PLS1: variants seen among roughly 807,000 people sequenced by gnomAD.
PLS1 encodes plastin 1, also known as plastin-1.
Under a neutral mutation model 73.7 loss-of-function variants are expected in PLS1, and 32 were observed. The observed-to-expected ratio is 0.43, with a 90% CI of 0.33 to 0.58. The LOEUF (loss-of-function observed/expected upper bound fraction) is 0.58, where lower values mean the gene tolerates loss of function less well. Among genes scored for constraint, PLS1 ranks in the 20% least tolerant of loss-of-function variants. The probability of loss-of-function intolerance (pLI) is 0.04; values close to 1 mark genes in which losing one functional copy is unlikely to be tolerated. For synonymous variants in PLS1, 217 were observed against 261.3 expected (o/e 0.83, Z 1.63); for missense variants, 633 against 740.5 (o/e 0.85, Z 1.68).
intron 1 of PLS1, among the ~76,000 whole-genome samples, chr3:142,625,405 A>G (rs1410446498): frequency 6.6e-6 from 1 of 150,410 alleles, no homozygotes; most frequent in Non-Finnish European, 1.5e-5. Context: ...AATGTTTCCA[A>G]CTCAGTTCTC....
intron 1 of PLS1, among the ~76,000 whole-genome samples, chr3:142,641,775 T>C (rs2108614723): frequency 6.6e-6 from 1 of 152,262 alleles, no homozygotes; most frequent in African/African-American, 2.4e-5. Context: ...TGGGTTTCTT[T>C]AGGGGAGATG....
rs115594069 is a variant in PLS1 at position 142,669,132 on chromosome 3, G to A, written c.71-258G>A. Among the ~76,000 whole-genome samples the A allele has an allele frequency of 6.9e-3, 1,042 of 152,104 alleles. 4 individuals carry two copies. Among genetic ancestry groups the A allele is most frequent in the Non-Finnish European group, 9.4e-3 (637 of 68,014 alleles). On this transcript the variant is annotated intron_variant, in intron 2 of 15. Transcript: ENST00000457734. ...TGCGATCATAGCTCACTACAGCCTCGAACTCCTGGGCTCAGGCAGTCCCCT... is the reference window on the plus strand; with the variant it reads ...TGCGATCATAGCTCACTACAGCCTCAAACTCCTGGGCTCAGGCAGTCCCCT...
rs747443516 is a variant in PLS1 at position 142,703,902 on chromosome 3, A to C, written c.1406A>C (p.Lys469Thr). 1.2e-6 allele frequency: 2 copies of C among 1,611,402 alleles called. No homozygotes were observed. The highest frequency in any genetic ancestry group is 1.7e-6 in the Non-Finnish European group (2 of 1,177,480). ...TGTAACTATGCAGTGGAACTTGGGA[A>C]GAACAAGGCCAAATTCTCCTTGGTT... ...ENCNYAVELG[K>T]NKAKFSLVGI... The change falls in exon 13 of 16, where the codon AAG (lysine) becomes ACG (threonine). Residue 469 changes from lysine to threonine, a missense_variant. Physicochemically the swap from Lys to Thr is moderately conservative, Grantham distance 78. Coordinates refer to ENST00000457734, the MANE Select transcript of PLS1 (RefSeq NM_001145319.2).
intron 1 of PLS1, among the ~76,000 whole-genome samples, chr3:142,637,282 A>G (rs1381468830): frequency 1.3e-5 from 2 of 152,220 alleles, no homozygotes; most frequent in Non-Finnish European, 2.9e-5. Context: ...CCAGAAGAAA[A>G]GAGTATGTAC....
At chr3:142,622,219 A>G (rs371598477) in intron 1 of PLS1, among the ~76,000 whole-genome samples, 2 of 152,336 alleles carry the variant, frequency 1.3e-5, no homozygotes, top group East Asian at 3.9e-4. Context: ...GATGTCCTTT[A>G]AAATATTTAA....
At chr3:142,635,323 A>G (rs1023341222) in intron 1 of PLS1, among the ~76,000 whole-genome samples, 5 of 152,096 alleles carry the variant, frequency 3.3e-5, no homozygotes, top group Admixed American at 2.6e-4. Flanking sequence ...ATAGCAGGAG[A>G]AAAAACTTAA....
intron 1 of PLS1, among the ~76,000 whole-genome samples, chr3:142,617,220 G>A (rs1041673068): frequency 2.6e-5 from 4 of 151,438 alleles, no homozygotes; most frequent in Middle Eastern, 3.4e-3. Flanking sequence ...GGTACATACA[G>A]CCTTAACTAG....
intron 2 of PLS1, among the ~76,000 whole-genome samples, chr3:142,667,643 C>A (rs1017506246): frequency 6.6e-6 from 1 of 152,176 alleles, no homozygotes; most frequent in African/African-American, 2.4e-5. Flanking sequence ...AGCCTGGGAG[C>A]TTAAGCCCCC....
At chr3:142,678,758 C>T (rs1355008767) in intron 6 of PLS1, among the ~76,000 whole-genome samples, 5 of 151,556 alleles carry the variant, frequency 3.3e-5, no homozygotes, top group African/African-American at 1.2e-4. Flanking sequence ...TTTATAGCAG[C>T]ATGATTTATA....
chr3:142,687,188 T>C (rs1248972674), intron 9 of PLS1, among the ~76,000 whole-genome samples: 2 of 139,954 alleles, frequency 1.4e-5, no homozygotes, highest in African/African-American at 5.5e-5. Flanking sequence ...GGGCCACACA[T>C]AAAATACACT....
intron 1 of PLS1, among the ~76,000 whole-genome samples, chr3:142,663,779 C>A (rs1208998074): frequency 1.3e-5 from 2 of 152,218 alleles, no homozygotes; most frequent in African/African-American, 4.8e-5. Flanking sequence ...ATAAGATAAG[C>A]AGATGCTGAA....
intron 11 of PLS1, among the ~76,000 whole-genome samples, chr3:142,696,935 C>G (rs2038222925): frequency 1.3e-5 from 2 of 151,842 alleles, no homozygotes; most frequent in African/African-American, 4.8e-5. Flanking sequence ...GACTTTCTCC[C>G]TCTATCACCC....
At chr3:142,694,324 T>C (rs2038148027) in intron 10 of PLS1, 145 bp from the exon 11 acceptor site, 1 of 464,304 alleles carries the variant, frequency 2.2e-6, no homozygotes, top group Non-Finnish European at 3.8e-6. Flanking sequence ...TTAAGAGACT[T>C]TTTTTCTCCC....
At chr3:142,697,908 C>T (rs1341573397) in intron 11 of PLS1, 45 bp from the exon 12 acceptor site, 5 of 1,070,742 alleles carry the variant, frequency 4.7e-6, no homozygotes, top group Admixed American at 3.4e-5. Context: ...TTAGGTAATA[C>T]CCAACATTTC....
chr3:142,664,994 T>C (rs1256590987), intron 2 of PLS1, among the ~76,000 whole-genome samples: 2 of 152,014 alleles, frequency 1.3e-5, no homozygotes, highest in Non-Finnish European at 2.9e-5. Flanking sequence ...TGCTTTAGTT[T>C]GCAAATGCAT....
At position 142,704,325 on chromosome 3, in the gene PLS1, GTGCAAA is replaced by G. The variant is rs1401673604; in HGVS notation, c.1506-134_1506-129del. 3 of 690,248 alleles carry G rather than the reference GTGCAAA, an allele frequency of 4.3e-6. No individual in the cohort carries two copies. In the Admixed American group the frequency reaches 1.0e-4, roughly 24 times the overall value. 42.8% of individuals were successfully genotyped at this position (690,248 alleles called of 1,614,324 possible). A position where few individuals can be genotyped will look rare whatever the true frequency, so the allele number is the denominator to read the frequency against. On this transcript the variant is annotated intron_variant, in intron 13 of 15. Coordinates refer to ENST00000457734, the MANE Select transcript of PLS1 (RefSeq NM_001145319.2). ...GTTTGTAACTTTGGAATGTAACTGG[GTGCAAA>G]TGCCAGACTAAAATTAGAAATATTT...
chr3:142,607,517 A>G (rs964127921), intron 1 of PLS1, among the ~76,000 whole-genome samples: 1 of 151,924 alleles, frequency 6.6e-6, no homozygotes, highest in Admixed American at 6.6e-5. Flanking sequence ...CTCATGATCC[A>G]CCCGCCTCGG....
rs1182762336 is a variant in PLS1 at position 142,684,369 on chromosome 3, A to G, written c.862A>G (p.Ile288Val). ...YHLTNAGWHT[I>V]SNFSQDIKDS... ...TCTGACCAATGCAGGATGGCATACCATCAGCAACTTCAGCCAAGACATTAA... is the reference window on the plus strand; with the variant it reads ...TCTGACCAATGCAGGATGGCATACCGTCAGCAACTTCAGCCAAGACATTAA... The change falls in exon 8 of 16, where the codon ATC (isoleucine) becomes GTC (valine). Residue 288 changes from isoleucine to valine, a missense_variant. Transcript: ENST00000457734. The G allele has an allele frequency of 6.2e-7, 1 of 1,613,834 alleles. No individual in the cohort carries two copies. The highest frequency in any genetic ancestry group is 8.5e-7 in the Non-Finnish European group (1 of 1,179,770).
chr3:142,676,605 C>T (rs181658335), intron 5 of PLS1, among the ~76,000 whole-genome samples: 5 of 152,052 alleles, frequency 3.3e-5, no homozygotes, highest in South Asian at 2.1e-4. Context: ...TTCCAGTAAG[C>T]GAGTATTGAT....
Sources: gnomAD v4.1 joint callset for allele counts (sites outside exome capture counted in the v4.1 genomes callset) on GRCh38, gnomAD v4.1.1 for gene constraint, MANE v1.5 for transcripts, NCBI Gene and HGNC (gene_info 2026-07-23, HGNC 2026-07-21) for gene names.